NAALADL2: variants seen among roughly 807,000 people sequenced by gnomAD.
NAALADL2 encodes N-acetylated alpha-linked acidic dipeptidase like 2, also known as inactive N-acetylated-alpha-linked acidic dipeptidase-like protein 2.
A neutral mutation model predicts 87.2 loss-of-function variants in NAALADL2; 76 were observed. That is an observed-to-expected ratio of 0.87 (90% CI 0.72 to 1.05). The LOEUF (loss-of-function observed/expected upper bound fraction) is 1.05, where lower values mean the gene tolerates loss of function less well. NAALADL2 is among the 50% of genes least tolerant of loss of function. The probability of loss-of-function intolerance (pLI) is 0.00; values close to 1 mark genes in which losing one functional copy is unlikely to be tolerated. For synonymous variants in NAALADL2, 354 were observed against 331.0 expected (o/e 1.07, Z -0.75); for missense variants, 1,089 against 945.8 (o/e 1.15, Z -1.99).
intron 1 of NAALADL2, among the ~76,000 whole-genome samples, chr3:174,873,996 T>G (rs1004620981): frequency 1.3e-5 from 2 of 152,064 alleles, no homozygotes; most frequent in African/African-American, 4.8e-5. Flanking sequence ...ATTTTAAGCA[T>G]TAGTTAATGA....
At chr3:175,331,505 A>G (rs7636601) in intron 5 of NAALADL2, among the ~76,000 whole-genome samples, 18,992 of 152,216 alleles carry the variant, frequency 0.12, 1,405 homozygotes, top group Non-Finnish European at 0.17. Flanking sequence ...AAAACGAAAG[A>G]CAAAAACATA....
At chr3:175,623,209 T>C (rs1363613727) in intron 10 of NAALADL2, among the ~76,000 whole-genome samples, 1 of 152,132 alleles carries the variant, frequency 6.6e-6, no homozygotes, top group African/African-American at 2.4e-5. Flanking sequence ...TGTATATCCA[T>C]GTAAACACCA....
intron 3 of NAALADL2, among the ~76,000 whole-genome samples, chr3:174,835,626 A>G (rs1723242486): frequency 6.6e-6 from 1 of 152,174 alleles, no homozygotes; most frequent in Non-Finnish European, 1.5e-5. Context: ...AATATCTAGA[A>G]TATATAAACA....
intron 4 of NAALADL2, among the ~76,000 whole-genome samples, chr3:175,275,193 C>A (rs9865183): frequency 0.92 from 139,911 of 152,192 alleles, 64,502 homozygotes; most frequent in African/African-American, 0.98. Flanking sequence ...ATCAAAGGCC[C>A]ATTCCAATTT....
At chr3:175,353,024 A>G (rs73049115) in intron 5 of NAALADL2, among the ~76,000 whole-genome samples, 9,379 of 152,096 alleles carry the variant, frequency 0.062, 388 homozygotes, top group African/African-American at 0.12. Context: ...TCACTAATTC[A>G]AAAGGATGAT....
At chr3:175,239,215 T>C (rs772506781) in intron 3 of NAALADL2, among the ~76,000 whole-genome samples, 3 of 152,186 alleles carry the variant, frequency 2.0e-5, no homozygotes, top group Non-Finnish European at 4.4e-5. Flanking sequence ...AGGAGAGTTG[T>C]CCTGTCAGAT....
intron 1 of NAALADL2, among the ~76,000 whole-genome samples, chr3:175,085,736 G>C (rs575052828): frequency 3.9e-5 from 6 of 152,260 alleles, no homozygotes; most frequent in African/African-American, 1.2e-4. Context: ...TGGCCAACAT[G>C]GTGAAACCCT....
chr3:175,488,195 C>T (rs1544732), intron 9 of NAALADL2, among the ~76,000 whole-genome samples: 119,648 of 152,210 alleles, frequency 0.79, 47,091 homozygotes, highest in Middle Eastern at 0.81. Flanking sequence ...AGTAATTTCT[C>T]TTGTTATTCT....
chr3:175,131,359 T>C (rs998264421), intron 2 of NAALADL2, among the ~76,000 whole-genome samples: 17 of 152,082 alleles, frequency 1.1e-4, no homozygotes, highest in African/African-American at 3.4e-4. Flanking sequence ...TGACTCTTAA[T>C]GAGCATGCTG....
In NAALADL2 at chr3:174,924,333, T is replaced by C. The variant is rs1045207460; in HGVS notation, c.43+64883T>C. The stretch of plus-strand genomic sequence containing the variant: ...GGTGTTTGGTTTTTTGTCCCTGTGA[T>C]AGTTTGCTGAGAATGATGGTTTCCA... On this transcript the variant is annotated intron_variant, in intron 1 of 13. Transcript: ENST00000454872. 1.1e-4 allele frequency among the ~76,000 whole-genome samples: 17 copies of C among 151,700 alleles called. 1 individual carries two copies. The highest frequency in any genetic ancestry group is 9.8e-4 in the East Asian group (5 of 5,096).
chr3:174,713,462 C>T (rs1406462236), intron 2 of NAALADL2, among the ~76,000 whole-genome samples: 3 of 151,594 alleles, frequency 2.0e-5, no homozygotes, highest in Non-Finnish European at 2.9e-5. Context: ...CTCTCCAGCA[C>T]CTGTTGTTTC....
At chr3:175,456,348 T>A (rs577275295) in intron 6 of NAALADL2, among the ~76,000 whole-genome samples, 17 of 152,058 alleles carry the variant, frequency 1.1e-4, no homozygotes, top group Admixed American at 4.6e-4. Context: ...TGGAACACAT[T>A]TTTATATCTT....
rs1215533325 is a variant in NAALADL2 at position 175,737,400 on chromosome 3, G to A, written c.1990+1G>A. 10 of 1,559,998 alleles carry A rather than the reference G, an allele frequency of 6.4e-6. No individual in the cohort carries two copies. Among genetic ancestry groups the A allele is most frequent in the Non-Finnish European group, 8.8e-6 (10 of 1,133,254 alleles). On this transcript the variant is annotated splice_donor_variant, in intron 12 of 13. Coordinates refer to ENST00000454872, the MANE Select transcript of NAALADL2 (RefSeq NM_207015.3). LOFTEE classifies it high-confidence loss of function. ...TTAGAAGTTCAAAACAACCTTAAAGGTAATTTTCCTTTGAATTATAGTAAT... is the reference window on the plus strand; with the variant it reads ...TTAGAAGTTCAAAACAACCTTAAAGATAATTTTCCTTTGAATTATAGTAAT...
At chr3:175,474,473 A>G (rs1049686961) in intron 9 of NAALADL2, among the ~76,000 whole-genome samples, 3 of 152,210 alleles carry the variant, frequency 2.0e-5, no homozygotes, top group Admixed American at 2.0e-4. Context: ...GTCCCACAGT[A>G]TCTGGTCTAT....
intron 9 of NAALADL2, chr3:175,487,698 C>A (rs76478839): frequency 2.6e-4 from 84 of 324,912 alleles, no homozygotes; most frequent in African/African-American, 1.7e-3. Context: ...ATTATTAGTA[C>A]AATGTCTTCT....
chr3:175,607,911 A>ACACACG (rs113346198), intron 10 of NAALADL2, among the ~76,000 whole-genome samples: 2 of 28,382 alleles, frequency 7.0e-5, no homozygotes, highest in African/African-American at 2.2e-4. Flanking sequence ...ACACACACAC[A>ACACACG]CGCACACACA....
At chr3:175,711,066 A>T (rs1409812845) in intron 11 of NAALADL2, among the ~76,000 whole-genome samples, 1 of 151,986 alleles carries the variant, frequency 6.6e-6, no homozygotes, top group African/African-American at 2.4e-5. Context: ...GCTGTTAATG[A>T]ATTATTTCAA....
intron 2 of NAALADL2, among the ~76,000 whole-genome samples, chr3:174,688,848 CT>C (rs1407139551): frequency 6.6e-6 from 1 of 151,886 alleles, no homozygotes; most frequent in African/African-American, 2.4e-5. Context: ...TGTTTTTGTT[CT>C]TAAACTATAA....
intron 3 of NAALADL2, among the ~76,000 whole-genome samples, chr3:175,234,554 T>C (rs956426172): frequency 1.3e-5 from 2 of 152,102 alleles, no homozygotes; most frequent in Non-Finnish European, 2.9e-5. Flanking sequence ...ATGGAGAGGG[T>C]TGTGTTTTGA....
Sources: gnomAD v4.1 joint callset for allele counts (sites outside exome capture counted in the v4.1 genomes callset) on GRCh38, gnomAD v4.1.1 for gene constraint, MANE v1.5 for transcripts, NCBI Gene and HGNC (gene_info 2026-07-23, HGNC 2026-07-21) for gene names.